Variants in CDCA2 observed in about 807,000 individuals in gnomAD.
CDCA2 encodes the protein cell division cycle-associated protein 2.
Under a neutral mutation model 67.0 loss-of-function variants are expected in CDCA2, and 44 were observed. The observed-to-expected ratio is 0.66, with a 90% CI of 0.52 to 0.84. The LOEUF (loss-of-function observed/expected upper bound fraction) is 0.84, where lower values mean the gene tolerates loss of function less well. CDCA2 is among the 40% of genes least tolerant of loss of function. The pLI is 0.00. For missense variants in CDCA2, 1,253 were observed against 1,203.2 expected (o/e 1.04, Z -0.61); for synonymous variants, 447 against 418.7 (o/e 1.07, Z -0.82).
intron 14 of CDCA2, among the ~76,000 whole-genome samples, chr8:25,504,994 C>G (rs76285942): frequency 1.3e-5 from 2 of 152,080 alleles, no homozygotes; most frequent in African/African-American, 4.8e-5. Flanking sequence ...CATGTTGTAT[C>G]GTATTAGAGA....
chr8:25,463,575 T>C (rs1162738470), intron 4 of CDCA2, among the ~76,000 whole-genome samples: 1 of 152,040 alleles, frequency 6.6e-6, no homozygotes, highest in East Asian at 1.9e-4. Context: ...CTTTGTATCA[T>C]GAATTTAAAG....
chr8:25,465,925 C>T (rs1053171477), intron 4 of CDCA2, among the ~76,000 whole-genome samples: 13 of 152,296 alleles, frequency 8.5e-5, no homozygotes, highest in East Asian at 5.8e-4. Flanking sequence ...CATCCCAGAG[C>T]GCAATGTTTT....
At position 25,459,254 on chromosome 8, in the gene CDCA2, C is replaced by G. The variant is rs1232834311; in HGVS notation, c.-220C>G. ...GGGTGGAGGAGGCTGCCGGGCAGAG[C>G]GCAGGCCAGGATCAGCGCAGGCTGT... On this transcript the variant is annotated 5_prime_UTR_variant, in exon 1 of 15. Transcript: ENST00000330560. The G allele has an allele frequency of 6.6e-6, 1 of 152,518 alleles. No homozygotes were observed. The highest frequency in any genetic ancestry group is 1.5e-5 in the Non-Finnish European group (1 of 68,344). 9.4% of individuals were successfully genotyped at this position (152,518 alleles called of 1,614,324 possible).
Position 25,485,750 on chromosome 8 carries a change from T to C in CDCA2, c.1366-9T>C, listed in dbSNP as rs1008056135. 18 of 1,564,244 alleles carry C rather than the reference T, an allele frequency of 1.2e-5. No homozygotes were observed. The highest frequency in any genetic ancestry group is 1.6e-5 in the Non-Finnish European group (18 of 1,147,380). On this transcript the variant is annotated splice_polypyrimidine_tract_variant and intron_variant, in intron 10 of 14. Transcript: ENST00000330560. ...AAGATATCTAACTTCTGTCTTTTCCTTTGTTTAGGAAAACATAGAACCACT... is the reference window on the plus strand; with the variant it reads ...AAGATATCTAACTTCTGTCTTTTCCCTTGTTTAGGAAAACATAGAACCACT...
chr8:25,491,959 G>A (rs1385189249), intron 13 of CDCA2, among the ~76,000 whole-genome samples: 7 of 152,072 alleles, frequency 4.6e-5, no homozygotes, highest in African/African-American at 1.2e-4. Flanking sequence ...CACCATGCTC[G>A]GCTAATTTTT....
At chr8:25,462,944 C>T (rs994369328) in intron 4 of CDCA2, among the ~76,000 whole-genome samples, 1 of 152,186 alleles carries the variant, frequency 6.6e-6, no homozygotes, top group Non-Finnish European at 1.5e-5. Flanking sequence ...GCTGGGGTTA[C>T]AGGTGTGTGC....
chr8:25,504,322 G>A (rs1804592758), intron 14 of CDCA2, among the ~76,000 whole-genome samples: 1 of 150,622 alleles, frequency 6.6e-6, no homozygotes, highest in South Asian at 2.1e-4. Context: ...AGTAGAGATG[G>A]GTGTCCCTGA....
rs1803884377 is a variant in CDCA2, at chr8:25,488,786, C to T, written c.1671+97C>T. ...TAGAAACACATTTTTTTCCAGTTGA[C>T]TTTGGACCAAGATTATTAATGCAAT... On this transcript the variant is annotated intron_variant, in intron 13 of 14. Coordinates refer to ENST00000330560, the MANE Select transcript of CDCA2 (RefSeq NM_152562.4). The T allele has an allele frequency of 5.6e-6, 7 of 1,244,490 alleles. No homozygotes were observed. The South Asian group carries it at 1.3e-4, about 23-fold the overall frequency. The allele number at this position is 1,244,490 out of a possible 1,614,324, so 77.1% of individuals were successfully genotyped here.
At chr8:25,501,175 A>T (rs1804460195) in intron 13 of CDCA2, among the ~76,000 whole-genome samples, 1 of 152,190 alleles carries the variant, frequency 6.6e-6, no homozygotes, top group South Asian at 2.1e-4. Flanking sequence ...CTTCTCATAG[A>T]ATTTCATGTT....
Position 25,507,354 on chromosome 8 carries a change from A to G in CDCA2, c.2688A>G (p.Leu896=), listed in dbSNP as rs1480123442. 2 of 1,613,626 alleles carry G rather than the reference A, an allele frequency of 1.2e-6. No individual in the cohort carries two copies. The highest frequency in any genetic ancestry group is 2.2e-5 in the East Asian group (1 of 44,880). ...CCAAAGTGCGACGTAGCACGAGGCTACAGAAGGATTTAGAAAACGAAGGTC... is the reference window on the plus strand; with the variant it reads ...CCAAAGTGCGACGTAGCACGAGGCTGCAGAAGGATTTAGAAAACGAAGGTC... The part of the protein sequence containing the change: ...SETKVRRSTR[L]QKDLENEGLV... The change falls in exon 15 of 15, where the codon CTA becomes CTG. Residue 896 remains leucine (L), a synonymous_variant. Coordinates refer to ENST00000330560, the MANE Select transcript of CDCA2 (RefSeq NM_152562.4).
At chr8:25,490,285 A>G (rs951837392) in intron 13 of CDCA2, among the ~76,000 whole-genome samples, 1 of 152,106 alleles carries the variant, frequency 6.6e-6, no homozygotes, top group African/African-American at 2.4e-5. Context: ...AAGTACAAAA[A>G]GGATTGAGCA....
rs115997963 is a variant in CDCA2 at position 25,466,207 on chromosome 8, T to A, written c.420T>A (p.Thr140=). Residue 140 remains threonine (T), a synonymous_variant, in exon 5 of 15, where the codon ACT becomes ACA. Coordinates refer to ENST00000330560, the MANE Select transcript of CDCA2 (RefSeq NM_152562.4). ...GSPALYRNVN[T]LRERISAFQS... ...CTGCACTGTATCGAAATGTTAACACTTTAAGAGAACGAATATCAGCCTTCC... is the reference window on the plus strand; with the variant it reads ...CTGCACTGTATCGAAATGTTAACACATTAAGAGAACGAATATCAGCCTTCC... The A allele has an allele frequency of 6.8e-6, 11 of 1,611,480 alleles. No individual in the cohort carries two copies. The African/African-American group carries it at 1.3e-4, about 20-fold the overall frequency.
intron 5 of CDCA2, among the ~76,000 whole-genome samples, chr8:25,466,818 G>C (rs1239458561): frequency 6.6e-6 from 1 of 151,982 alleles, no homozygotes; most frequent in African/African-American, 2.4e-5. Flanking sequence ...TGAGACGGGA[G>C]GATCACTTGA....
At chr8:25,477,824 A>G (rs1215086923) in intron 7 of CDCA2, among the ~76,000 whole-genome samples, 1 of 151,956 alleles carries the variant, frequency 6.6e-6, no homozygotes, top group African/African-American at 2.4e-5. Flanking sequence ...TCCTTCACCA[A>G]CCTGCTCATC....
intron 8 of CDCA2, among the ~76,000 whole-genome samples, chr8:25,483,171 T>C (rs1338007354): frequency 6.6e-6 from 1 of 152,212 alleles, no homozygotes; most frequent in East Asian, 1.9e-4. Context: ...TTCTATGCTT[T>C]AATTTTGCCC....
chr8:25,474,167 C>T (rs1803262091), intron 7 of CDCA2, among the ~76,000 whole-genome samples: 1 of 152,178 alleles, frequency 6.6e-6, no homozygotes, highest in South Asian at 2.1e-4. Flanking sequence ...GTGAATGATT[C>T]TTTTAATGTG....
intron 4 of CDCA2, among the ~76,000 whole-genome samples, chr8:25,463,140 A>G (rs1265777114): frequency 6.6e-6 from 1 of 152,092 alleles, no homozygotes; most frequent in Non-Finnish European, 1.5e-5. Flanking sequence ...TTTCATGACT[A>G]CTGTGTGTTG....
At chr8:25,463,212 A>C (rs1181227044) in intron 4 of CDCA2, among the ~76,000 whole-genome samples, 1 of 152,186 alleles carries the variant, frequency 6.6e-6, no homozygotes, top group Non-Finnish European at 1.5e-5. Flanking sequence ...GGAGAGGAGT[A>C]GATTATTTAT....
intron 13 of CDCA2, among the ~76,000 whole-genome samples, chr8:25,493,428 TATCTTTTGAA>T (rs1264207418): frequency 1.4e-4 from 21 of 152,190 alleles, no homozygotes; most frequent in Non-Finnish European, 2.9e-5. Context: ...GTGAATTTGA[TATCTTTTGAA>T]CCATACAGCA....
Sources: allele counts gnomAD v4.1 joint callset (sites outside exome capture counted in the v4.1 genomes callset), GRCh38; gene constraint gnomAD v4.1.1; transcripts MANE v1.5; gene names NCBI Gene and HGNC (gene_info 2026-07-23, HGNC 2026-07-21).